The following VPS37A variants were observed in gnomAD, a reference collection of about 807,000 sequenced individuals.
VPS37A encodes the protein vacuolar protein sorting-associated protein 37A.
VPS37A carries 30 observed loss-of-function variants against 49.8 expected under a neutral mutation model. The observed-to-expected ratio is 0.60, with a 90% CI of 0.45 to 0.82. The LOEUF is 0.82. Ranked by LOEUF, VPS37A falls within the 40% of genes least tolerant of loss-of-function variation. The probability of loss-of-function intolerance (pLI) is 0.00; values close to 1 mark genes in which losing one functional copy is unlikely to be tolerated. For synonymous variants in VPS37A, 195 were observed against 160.6 expected (o/e 1.21, Z -1.62); for missense variants, 593 against 464.4 (o/e 1.28, Z -2.55).
chr8:17,292,501 T>C (rs926032633), intron 11 of VPS37A, among the ~76,000 whole-genome samples: 2 of 152,196 alleles, frequency 1.3e-5, no homozygotes, highest in African/African-American at 4.8e-5. Context: ...ATCCTGTCAT[T>C]ATGATGCTAG....
At chr8:17,324,277 C>T in the VPS37A span, among the ~76,000 whole-genome samples, 10 of 152,182 alleles carry the variant, frequency 6.6e-5, no homozygotes, top group Non-Finnish European at 1.5e-4. Flanking sequence ...TGAGCGTCTG[C>T]GATAAATGTC....
intron 1 of VPS37A, among the ~76,000 whole-genome samples, chr8:17,262,412 G>A (rs1813037921): frequency 6.6e-6 from 1 of 152,106 alleles, no homozygotes; most frequent in African/African-American, 2.4e-5. Context: ...TAATAACAAA[G>A]TGATATATTA....
At chr8:17,309,407 T>C in the VPS37A span, 1 of 956,194 alleles carries the variant, frequency 1.0e-6, no homozygotes, top group East Asian at 2.4e-5. Flanking sequence ...GTTGAGGAAT[T>C]CAGAGGCACT....
intron 1 of VPS37A, among the ~76,000 whole-genome samples, chr8:17,258,176 C>T (rs1213576293): frequency 1.3e-5 from 2 of 152,130 alleles, no homozygotes; most frequent in African/African-American, 4.8e-5. Context: ...CCAAGACTTC[C>T]ACTATTATAT....
chr8:17,326,222 G>T, the VPS37A span: 1 of 152,270 alleles, frequency 6.6e-6, no homozygotes, highest in East Asian at 1.9e-4. Context: ...GGTAAAAATG[G>T]TGGTTCTACC....
Position 17,296,548 on chromosome 8 carries a change from A to G in VPS37A, c.*1562A>G, listed in dbSNP as rs1586104724. 1 of 152,140 alleles carries G rather than the reference A, an allele frequency of 6.6e-6. No individual in the cohort carries two copies. The highest frequency in any genetic ancestry group is 6.6e-5 in the Admixed American group (1 of 15,266). The allele number at this position is 152,140 out of a possible 1,614,324, so 9.4% of individuals were successfully genotyped here. A position where few individuals can be genotyped will look rare whatever the true frequency, so the allele number is the denominator to read the frequency against. ...GAACAGTCTCAATCTTTTGCCAACC[A>G]TCAGGTTCCTAGAAACCAGGTAGGT... On this transcript the variant is annotated 3_prime_UTR_variant, in exon 12 of 12. Coordinates refer to ENST00000324849, the MANE Select transcript of VPS37A (RefSeq NM_152415.3).
downstream of VPS37A, among the ~76,000 whole-genome samples, chr8:17,307,206 C>G (rs1438783827): frequency 6.6e-6 from 1 of 151,982 alleles, no homozygotes; most frequent in Admixed American, 6.6e-5. Context: ...AAAAACAACC[C>G]CATCAAAAAG....
At chr8:17,258,077 A>G (rs1230943769) in intron 1 of VPS37A, among the ~76,000 whole-genome samples, 2 of 152,064 alleles carry the variant, frequency 1.3e-5, no homozygotes, top group Non-Finnish European at 2.9e-5. Context: ...TCCAGTCGTA[A>G]CATTGTGTCA....
intron 2 of VPS37A, among the ~76,000 whole-genome samples, chr8:17,267,470 TGTG>T (rs1813579164): frequency 6.6e-6 from 1 of 151,918 alleles, no homozygotes; most frequent in Non-Finnish European, 1.5e-5. Flanking sequence ...TTTCTGCTTG[TGTG>T]TGTGTGTGTG....
In VPS37A at chr8:17,261,058, T is replaced by A. The variant is rs145134630; in HGVS notation, c.126-4849T>A. ...TGTGACTATTTCTTGGAATAAGCTT[T>A]CTACCCATTCCTCTGGCTCAACTTC... On this transcript the variant is annotated intron_variant, in intron 1 of 11. Transcript: ENST00000324849. Among the ~76,000 whole-genome samples the A allele has an allele frequency of 1.7e-3, 265 of 152,346 alleles. 1 individual carries two copies. The highest frequency in any genetic ancestry group is 5.5e-3 in the African/African-American group (229 of 41,582).
chr8:17,293,891 C>T (rs546580340), intron 11 of VPS37A, among the ~76,000 whole-genome samples: 2 of 152,320 alleles, frequency 1.3e-5, no homozygotes, highest in Non-Finnish European at 2.9e-5. Context: ...TCTGTCAACC[C>T]CTGCTGGGAG....
At chr8:17,247,411 G>T in intron 1 of VPS37A, 42 bp downstream of exon 1, 3 of 1,518,920 alleles carry the variant, frequency 2.0e-6, no homozygotes, top group South Asian at 2.5e-5. Flanking sequence ...AAAGTAGGGT[G>T]GGAGGGCGGG....
intron 1 of VPS37A, among the ~76,000 whole-genome samples, chr8:17,261,044 C>G (rs1282003131): frequency 6.6e-6 from 1 of 152,154 alleles, no homozygotes; most frequent in Non-Finnish European, 1.5e-5. Context: ...GTGACTATTT[C>G]TTGGAATAAG....
the VPS37A span, among the ~76,000 whole-genome samples, chr8:17,320,853 C>T: frequency 3.9e-5 from 6 of 152,202 alleles, no homozygotes; most frequent in Non-Finnish European, 7.3e-5. Flanking sequence ...ACTCCCTGGG[C>T]GCCTGCTGTT....
chr8:17,248,946 C>G lies in VPS37A; in HGVS notation c.125+1577C>G, dbSNP rs184560838. Reference sequence around the variant, plus strand: ...TACTGACCTTTAAGAGCTACTCTCACAAGGTATGCTTATAAAATAAGGGGA... The same window carrying G: ...TACTGACCTTTAAGAGCTACTCTCAGAAGGTATGCTTATAAAATAAGGGGA... On this transcript the variant is annotated intron_variant, in intron 1 of 11. Transcript: ENST00000324849. 4.9e-4 allele frequency among the ~76,000 whole-genome samples: 75 copies of G among 152,326 alleles called. No homozygotes were observed. The East Asian group carries it at 0.013, about 26-fold the overall frequency.
chr8:17,276,423 G>A lies in VPS37A; in HGVS notation c.669G>A (p.Lys223=). 6.2e-7 allele frequency: 1 copy of A among 1,612,356 alleles called. No individual in the cohort carries two copies. The highest frequency in any genetic ancestry group is 1.1e-5 in the South Asian group (1 of 90,670). ...CAAGCCAAAATGGTTTTGGGTACAA[G>A]ATGCCAGATGTCCCTGATGCATTTC... ...IPTSQNGFGY[K]MPDVPDAFPE... Residue 223 remains lysine (K), a synonymous_variant, in exon 6 of 12, where the codon AAG becomes AAA. Coordinates refer to ENST00000324849, the MANE Select transcript of VPS37A (RefSeq NM_152415.3).
downstream of VPS37A, among the ~76,000 whole-genome samples, chr8:17,300,621 C>CTT (rs1817049926): frequency 6.6e-6 from 1 of 152,214 alleles, no homozygotes; most frequent in African/African-American, 2.4e-5. Context: ...ATACAATTCA[C>CTT]TTACCGTGAA....
rs1326352833 is a variant in VPS37A at position 17,274,767 on chromosome 8, G to T, written c.451G>T (p.Ala151Ser). Residue 151 changes from alanine to serine, a missense_variant, in exon 5 of 12, where the codon GCT (alanine) becomes TCT (serine). Coordinates refer to ENST00000324849, the MANE Select transcript of VPS37A (RefSeq NM_152415.3). ...YSNPSGMSPYASQGFPFLPPY... is the reference protein window; with the variant it reads ...YSNPSGMSPYSSQGFPFLPPY... ...TAACCCAAGTGGGATGTCTCCTTAT[G>T]CTTCTCAGGGTTTTCCATTTCTTCC... 3.1e-6 allele frequency: 5 copies of T among 1,613,944 alleles called. No individual in the cohort carries two copies. The highest frequency in any genetic ancestry group is 4.2e-6 in the Non-Finnish European group (5 of 1,179,984).
the VPS37A span, among the ~76,000 whole-genome samples, chr8:17,310,454 T>C: frequency 2.7e-3 from 404 of 152,296 alleles, 4 homozygotes; most frequent in African/African-American, 9.2e-3. Flanking sequence ...GTTGTAAGTT[T>C]AATGGGGCAC....
Sources: gnomAD v4.1 joint callset for allele counts (sites outside exome capture counted in the v4.1 genomes callset) on GRCh38, gnomAD v4.1.1 for gene constraint, MANE v1.5 for transcripts, NCBI Gene and HGNC (gene_info 2026-07-23, HGNC 2026-07-21) for gene names.